The following CYP27A1 variants were observed in gnomAD, a reference collection of about 807,000 sequenced individuals.
The protein encoded by CYP27A1 is sterol 26-hydroxylase, mitochondrial.
Under a neutral mutation model 58.2 loss-of-function variants are expected in CYP27A1, and 46 were observed. The ratio of observed to expected loss-of-function variants is 0.79; its 90% confidence interval spans 0.62 to 1.01. The LOEUF (loss-of-function observed/expected upper bound fraction) is 1.01, where lower values mean the gene tolerates loss of function less well. Among genes scored for constraint, CYP27A1 ranks in the 50% least tolerant of loss-of-function variants. The pLI is 0.00. For missense variants in CYP27A1, 704 were observed against 687.0 expected, an observed-to-expected ratio of 1.02 and a Z score of -0.28; for synonymous variants, 274 against 285.1, an observed-to-expected ratio of 0.96 and a Z score of 0.39.
chr2:218,791,362 A>G (rs1181198732), intron 1 of CYP27A1, among the ~76,000 whole-genome samples: 3 of 152,176 alleles, frequency 2.0e-5, no homozygotes, highest in African/African-American at 7.2e-5. Context: ...CCATCTATCA[A>G]GGCATAAGGT....
intron 1 of CYP27A1, among the ~76,000 whole-genome samples, chr2:218,803,643 C>T (rs545810531): frequency 3.3e-5 from 5 of 149,430 alleles, no homozygotes; most frequent in East Asian, 2.0e-4. Context: ...AGGATGGTCT[C>T]GATCTCTTGA....
rs1162778741 is a variant in CYP27A1, at chr2:218,782,465, G to T, written c.255+28G>T. 1.9e-6 allele frequency: 3 copies of T among 1,613,964 alleles called. No individual in the cohort carries two copies. In the South Asian group the frequency reaches 3.3e-5, roughly 18 times the overall value. ...AACCCGCGGGGGCATCGCGTCCTGGGGATGGGAGTGGGCACCGGAACAGAG... is the reference window on the plus strand; with the variant it reads ...AACCCGCGGGGGCATCGCGTCCTGGTGATGGGAGTGGGCACCGGAACAGAG... On this transcript the variant is annotated intron_variant, in intron 1 of 8. Transcript: ENST00000258415. This position sits in a 1 kb window ranked among gnomAD's most constrained non-coding sequence, Gnocchi z 4.1.
chr2:218,801,008 T>C (rs1943594599), intron 1 of CYP27A1, among the ~76,000 whole-genome samples: 1 of 152,232 alleles, frequency 6.6e-6, no homozygotes, highest in Non-Finnish European at 1.5e-5. Context: ...ATTTTTTATG[T>C]ATAAAGCTTT....
At chr2:218,785,547 T>C (rs1015120616) in intron 1 of CYP27A1, among the ~76,000 whole-genome samples, 14 of 152,020 alleles carry the variant, frequency 9.2e-5, no homozygotes, top group African/African-American at 3.1e-4. Flanking sequence ...CTTAGGATGA[T>C]GTCTAGAGCA....
intron 1 of CYP27A1, among the ~76,000 whole-genome samples, chr2:218,785,774 A>C (rs2105970293): frequency 6.6e-6 from 1 of 152,250 alleles, no homozygotes; most frequent in South Asian, 2.1e-4. Flanking sequence ...GGCTAGTGTG[A>C]GTTAATAGAG....
Position 218,813,076 on chromosome 2 carries a change from C to T in CYP27A1, c.997C>T (p.Leu333Phe). 6.2e-6 allele frequency: 10 copies of T among 1,613,112 alleles called. No homozygotes were observed. Among genetic ancestry groups the T allele is most frequent in the Non-Finnish European group, 8.5e-6 (10 of 1,179,230 alleles). The change falls in exon 5 of 9, where the codon CTC becomes TTC. Residue 333 changes from leucine to phenylalanine, a missense_variant. Coordinates refer to ENST00000258415, the MANE Select transcript of CYP27A1 (RefSeq NM_000784.4). ...GGCCATGGGCAGCCTGCCTGAGCTG[C>T]TCATGGCTGGAGTGGACACGGTGCG... ...REAMGSLPEL[L>F]MAGVDTTSNT...
Position 218,812,753 on chromosome 2 carries a change from A to G in CYP27A1, c.844+4A>G, listed in dbSNP as rs1016174396. ...TGGAATGCCATCTTTTCCTTTGGTG[A>G]GGACTCCCAGATGGGGCCCAGGGAA... On this transcript the variant is annotated splice_donor_region_variant and intron_variant, in intron 4 of 8. Coordinates refer to ENST00000258415, the MANE Select transcript of CYP27A1 (RefSeq NM_000784.4). 1 of 1,614,138 alleles carries G rather than the reference A, an allele frequency of 6.2e-7. No individual in the cohort carries two copies. The highest frequency in any genetic ancestry group is 1.3e-5 in the African/African-American group (1 of 75,024).
intron 1 of CYP27A1, among the ~76,000 whole-genome samples, chr2:218,798,807 C>G (rs1014754572): frequency 6.6e-6 from 1 of 152,074 alleles, no homozygotes; most frequent in Admixed American, 6.6e-5. Context: ...TGCTTGAACC[C>G]GGGAGGCGGA....
At chr2:218,809,906 G>A (rs775810893) in intron 2 of CYP27A1, 139 bp downstream of exon 2, 2 of 741,198 alleles carry the variant, frequency 2.7e-6, no homozygotes, top group Non-Finnish European at 4.3e-6. Context: ...GAGAGCAGTT[G>A]TTGGGAGGTG....
In CYP27A1 at chr2:218,782,477, G is replaced by C; in HGVS notation, c.255+40G>C. The C allele has an allele frequency of 6.2e-7, 1 of 1,613,420 alleles. No individual in the cohort carries two copies. Among genetic ancestry groups the C allele is most frequent in the Non-Finnish European group, 8.5e-7 (1 of 1,179,658 alleles). ...CATCGCGTCCTGGGGATGGGAGTGG[G>C]CACCGGAACAGAGAGGCTAGAGGTG... is the stretch of plus-strand genomic sequence containing the variant. On this transcript the variant is annotated intron_variant, in intron 1 of 8. Transcript: ENST00000258415. The surrounding 1 kb of genome is among the most constrained non-coding windows in gnomAD (Gnocchi z 4.1).
At chr2:218,784,517 C>T (rs1216643954) in intron 1 of CYP27A1, among the ~76,000 whole-genome samples, 2 of 152,160 alleles carry the variant, frequency 1.3e-5, no homozygotes, top group African/African-American at 4.8e-5. Context: ...GATTTCATGC[C>T]TATCGCATTG....
At chr2:218,814,488 A>G (rs1559393441) in intron 7 of CYP27A1, 30 bp downstream of exon 7, 1 of 1,613,814 alleles carries the variant, frequency 6.2e-7, no homozygotes, top group Non-Finnish European at 8.5e-7. Flanking sequence ...CCGATTGCCC[A>G]GGAGTGCCCT....
rs547371709 is a variant in CYP27A1, at chr2:218,787,507, T to G, written c.255+5070T>G. Among the ~76,000 whole-genome samples, 164 of 152,286 alleles carry G rather than the reference T, an allele frequency of 1.1e-3. 1 individual carries two copies. The highest frequency in any genetic ancestry group is 3.7e-3 in the African/African-American group (155 of 41,560). On this transcript the variant is annotated intron_variant, in intron 1 of 8. Transcript: ENST00000258415. The stretch of plus-strand genomic sequence containing the variant: ...GTGTGGACTGGAGTGCCCAACATGA[T>G]TATATAATGAGGAGGTGCTATGGTT...
intron 1 of CYP27A1, among the ~76,000 whole-genome samples, chr2:218,783,878 A>G (rs1198310960): frequency 6.6e-6 from 1 of 152,120 alleles, no homozygotes; most frequent in Non-Finnish European, 1.5e-5. Context: ...GCCTTTGAGG[A>G]CAGCCTTGAA....
rs1400244740 is a variant in CYP27A1 at position 218,812,565 on chromosome 2, C to T, written c.660C>T (p.Ile220=). The change falls in exon 4 of 9, where the codon ATC becomes ATT. Residue 220 remains isoleucine, a synonymous_variant. Transcript: ENST00000258415. ...TGCACTACTCAGCTATTTGCTACAT[C>T]CTGTTCGAGAAACGCATTGGCTGCC... ...YYFALEAICY[I]LFEKRIGCLQ... 1.9e-6 allele frequency: 3 copies of T among 1,614,240 alleles called. No homozygotes were observed. The East Asian group carries it at 6.7e-5, about 36-fold the overall frequency.
intron 1 of CYP27A1, among the ~76,000 whole-genome samples, chr2:218,805,170 A>G (rs887673022): frequency 2.6e-5 from 4 of 152,200 alleles, no homozygotes; most frequent in African/African-American, 9.7e-5. Context: ...GTTATTGTAA[A>G]TGGAATTATT....
In CYP27A1 at chr2:218,812,735, C is replaced by A. The variant is rs1943736863; in HGVS notation, c.830C>A (p.Ala277Asp). The change falls in exon 4 of 9, where the codon GCC becomes GAC. Residue 277 changes from alanine to aspartate, a missense_variant. By Grantham distance (126) the Ala-to-Asp change is moderately radical. Transcript: ENST00000258415. ...FWKRYLDGWN[A>D]IFSFGKKLID... ...AAGCGATACCTGGATGGTTGGAATG[C>A]CATCTTTTCCTTTGGTGAGGACTCC... The A allele has an allele frequency of 1.2e-6, 2 of 1,614,054 alleles. No homozygotes were observed. The highest frequency in any genetic ancestry group is 1.3e-5 in the African/African-American group (1 of 74,930).
At chr2:218,796,502 G>T (rs537487169) in intron 1 of CYP27A1, among the ~76,000 whole-genome samples, 5 of 152,110 alleles carry the variant, frequency 3.3e-5, no homozygotes, top group African/African-American at 4.8e-5. Context: ...GCTGAGGCAG[G>T]AGAATCACTT....
At chr2:218,790,158 C>T (rs568507130) in intron 1 of CYP27A1, among the ~76,000 whole-genome samples, 123 of 152,268 alleles carry the variant, frequency 8.1e-4, no homozygotes, top group African/African-American at 2.9e-3. Flanking sequence ...AGGGCCTTAG[C>T]ACTGCTCTCA....
Sources: gnomAD v4.1 joint callset for allele counts (sites outside exome capture counted in the v4.1 genomes callset) on GRCh38, gnomAD v4.1.1 for gene constraint, Gnocchi (gnomAD v3.1) non-coding constraint, MANE v1.5 for transcripts, NCBI Gene and HGNC (gene_info 2026-07-23, HGNC 2026-07-21) for gene names.